The following KCNIP4 variants were observed in gnomAD, a reference collection of about 807,000 sequenced individuals.
KCNIP4 encodes Kv channel-interacting protein 4.
A neutral mutation model predicts 34.0 loss-of-function variants in KCNIP4; 12 were observed. The ratio of observed to expected loss-of-function variants is 0.35; its 90% CI spans 0.23 to 0.57. KCNIP4 has a LOEUF of 0.57. Among genes scored for constraint, KCNIP4 ranks in the 20% least tolerant of loss-of-function variants. The probability of loss-of-function intolerance (pLI) is 0.83; values close to 1 mark genes in which losing one functional copy is unlikely to be tolerated. For missense variants in KCNIP4, 238 were observed against 311.7 expected (o/e 0.76, Z 1.78); for synonymous variants, 124 against 102.2 (o/e 1.21, Z -1.29).
intron 1 of KCNIP4, among the ~76,000 whole-genome samples, chr4:21,374,376 G>A (rs1450343122): frequency 6.8e-6 from 1 of 146,818 alleles, no homozygotes; most frequent in Non-Finnish European, 1.5e-5. Context: ...AAGAAAAAGG[G>A]GTTTCCCCTT....
intron 1 of KCNIP4, among the ~76,000 whole-genome samples, chr4:20,894,039 C>T (rs567809779): frequency 6.6e-6 from 1 of 152,026 alleles, no homozygotes; most frequent in Non-Finnish European, 1.5e-5. Context: ...TGCCACCACA[C>T]CCGACTAATT....
intron 1 of KCNIP4, among the ~76,000 whole-genome samples, chr4:21,778,236 C>CTTTTTTTTTTT (rs71655659): frequency 7.8e-5 from 2 of 25,754 alleles, no homozygotes; most frequent in African/African-American, 3.2e-4. Flanking sequence ...TTTTTTTTTT[C>CTTTTTTTTTTT]TTTTTTTTTT....
rs559954722 is a variant in KCNIP4, at chr4:21,145,364, G to A, written c.62-262655C>T. Among the ~76,000 whole-genome samples, 13 of 152,254 alleles carry A rather than the reference G, an allele frequency of 8.5e-5. No individual in the cohort carries two copies. The East Asian group carries it at 9.6e-4, about 11-fold the overall frequency. ...TGGGGAGAGGTTACGAACCTGGGACGTTTTAAACACTCAGATTCCTGAATT... is the reference window on the plus strand; with the variant it reads ...TGGGGAGAGGTTACGAACCTGGGACATTTTAAACACTCAGATTCCTGAATT... On this transcript the variant is annotated intron_variant, in intron 1 of 8. Coordinates refer to ENST00000382152, the MANE Select transcript of KCNIP4 (RefSeq NM_025221.6).
intron 3 of KCNIP4, among the ~76,000 whole-genome samples, chr4:20,784,868 A>G (rs1260486238): frequency 6.6e-6 from 1 of 152,154 alleles, no homozygotes; most frequent in African/African-American, 2.4e-5. Context: ...GAAGAGGAGA[A>G]TTAAGAGCTG....
intron 1 of KCNIP4, among the ~76,000 whole-genome samples, chr4:21,596,143 T>G (rs1380802035): frequency 1.3e-5 from 2 of 152,138 alleles, no homozygotes; most frequent in Non-Finnish European, 2.9e-5. Context: ...ATGGTCTGTA[T>G]CTCATAGAAT....
Position 21,084,665 on chromosome 4 carries a change from C to A in KCNIP4, c.62-201956G>T, listed in dbSNP as rs192223963. Among the ~76,000 whole-genome samples, 432 of 150,610 alleles carry A rather than the reference C, an allele frequency of 2.9e-3. 3 individuals carry two copies. Among genetic ancestry groups the A allele is most frequent in the Middle Eastern group, 3.4e-3 (1 of 294 alleles). On this transcript the variant is annotated intron_variant, in intron 1 of 8. Transcript: ENST00000382152. ...TATTTTTAACAGCACCTTATTCATG[C>A]ATTTTTTTCTAGAATATATATGAAC... is the stretch of plus-strand genomic sequence containing the variant.
chr4:21,833,182 G>A lies in KCNIP4; in HGVS notation c.61+115389C>T, dbSNP rs988289640. On this transcript the variant is annotated intron_variant, in intron 1 of 8. Coordinates refer to ENST00000382152, the MANE Select transcript of KCNIP4 (RefSeq NM_025221.6). ...AATCGCCACACTGACTTCCACAATG[G>A]TTGAACTAGTTTACAGTCCCACCAA... Among the ~76,000 whole-genome samples the A allele has an allele frequency of 2.0e-5, 3 of 151,316 alleles. 1 individual carries two copies. Among genetic ancestry groups the A allele is most frequent in the African/African-American group, 7.3e-5 (3 of 40,982 alleles).
chr4:21,335,418 C>G (rs912603670), intron 1 of KCNIP4, among the ~76,000 whole-genome samples: 7 of 152,160 alleles, frequency 4.6e-5, no homozygotes, highest in African/African-American at 1.7e-4. Flanking sequence ...GCACATAGCA[C>G]AGTCACAAAA....
Position 20,729,791 on chromosome 4 carries a change from C to T in KCNIP4, c.*291G>A, listed in dbSNP as rs1747474738. 1 of 287,958 alleles carries T rather than the reference C, an allele frequency of 3.5e-6. No homozygotes were observed. Among genetic ancestry groups the T allele is most frequent in the Middle Eastern group, 9.8e-4 (1 of 1,020 alleles). The allele number at this position is 287,958 out of a possible 1,614,324, so 17.8% of individuals were successfully genotyped here. On this transcript the variant is annotated 3_prime_UTR_variant, in exon 9 of 9. Coordinates refer to ENST00000382152, the MANE Select transcript of KCNIP4 (RefSeq NM_025221.6). ...TGATATGTGAAAGCCTCAATAATCC[C>T]ATGGCTAAGGAACCAATAAAACTAT...
chr4:21,082,096 G>C (rs934787202), intron 1 of KCNIP4, among the ~76,000 whole-genome samples: 15 of 151,806 alleles, frequency 9.9e-5, no homozygotes, highest in African/African-American at 3.6e-4. Context: ...TGCAGAACCT[G>C]ACTTTTTCAG....
At chr4:21,133,254 T>C (rs1025145329) in intron 1 of KCNIP4, among the ~76,000 whole-genome samples, 1 of 152,162 alleles carries the variant, frequency 6.6e-6, no homozygotes, top group Non-Finnish European at 1.5e-5. Flanking sequence ...ACAATGTTAA[T>C]GCTTTATTTT....
intron 1 of KCNIP4, among the ~76,000 whole-genome samples, chr4:21,295,272 A>T (rs2109222544): frequency 6.6e-6 from 1 of 152,250 alleles, no homozygotes; most frequent in East Asian, 1.9e-4. Flanking sequence ...TCTGAAAATA[A>T]GTGTTGAATC....
At chr4:21,385,371 A>G (rs891751713) in intron 1 of KCNIP4, among the ~76,000 whole-genome samples, 2 of 152,172 alleles carry the variant, frequency 1.3e-5, no homozygotes, top group Non-Finnish European at 2.9e-5. Flanking sequence ...AAGGCTCTAC[A>G]AAGGGTTCTG....
chr4:21,288,747 T>C (rs143758471), intron 1 of KCNIP4, among the ~76,000 whole-genome samples: 3 of 152,294 alleles, frequency 2.0e-5, no homozygotes, highest in African/African-American at 4.8e-5. Context: ...TGATACAAAG[T>C]TGAGTAAGTA....
At chr4:20,884,077 A>G (rs2149526792) in intron 1 of KCNIP4, among the ~76,000 whole-genome samples, 1 of 152,300 alleles carries the variant, frequency 6.6e-6, no homozygotes, top group Non-Finnish European at 1.5e-5. Context: ...GTGGTATGAA[A>G]TGTCTCATTC....
At chr4:21,665,829 C>G (rs1748899128) in intron 1 of KCNIP4, among the ~76,000 whole-genome samples, 1 of 152,166 alleles carries the variant, frequency 6.6e-6, no homozygotes, top group East Asian at 1.9e-4. Context: ...ACTTGCAGGA[C>G]CATCTGCAGC....
chr4:21,781,953 A>T (rs1341206490), intron 1 of KCNIP4, among the ~76,000 whole-genome samples: 3 of 152,150 alleles, frequency 2.0e-5, no homozygotes, highest in African/African-American at 4.8e-5. Flanking sequence ...AGGAAAGGAG[A>T]TACAAGAGAT....
chr4:21,544,711 C>T (rs1194671626), intron 1 of KCNIP4: 1 of 152,140 alleles, frequency 6.6e-6, no homozygotes, highest in Admixed American at 6.6e-5. Flanking sequence ...GGGAATTGCC[C>T]ACCCTTTTCC....
chr4:21,408,588 C>T (rs1302614391), intron 1 of KCNIP4, among the ~76,000 whole-genome samples: 5 of 152,126 alleles, frequency 3.3e-5, no homozygotes, highest in East Asian at 1.9e-4. Context: ...GTTTTCAGTG[C>T]AATTGTTTCA....
Sources: gnomAD v4.1 joint callset for allele counts (sites outside exome capture counted in the v4.1 genomes callset) on GRCh38, gnomAD v4.1.1 for gene constraint, MANE v1.5 for transcripts, NCBI Gene and HGNC (gene_info 2026-07-23, HGNC 2026-07-21) for gene names.